DCAF8L2: variants seen among roughly 807,000 people sequenced by gnomAD.
DCAF8L2 encodes the protein DDB1 and CUL4 associated factor 8 like 2.
For synonymous variants in DCAF8L2, 200 were observed against 190.9 expected (o/e 1.05, Z -0.39); for missense variants, 430 against 490.7 (o/e 0.88, Z 1.17).
the DCAF8L2 span, among the ~76,000 whole-genome samples, chrX:27,582,392 T>G: frequency 9.0e-6 from 1 of 111,512 alleles, no homozygotes; most frequent in East Asian, 2.8e-4. Flanking sequence ...CTATCCCATA[T>G]TTTATTTAGT....
At chrX:27,479,084 GTTTCACTCTCTC>G in the DCAF8L2 span, among the ~76,000 whole-genome samples, 1 of 110,869 alleles carries the variant, frequency 9.0e-6, no homozygotes, top group Non-Finnish European at 1.9e-5. Flanking sequence ...ATGTTTCTCT[GTTTCACTCTCTC>G]TTTCTGGCAC....
At chrX:27,658,043 T>A (rs1442189331) in intron 2 of DCAF8L2, among the ~76,000 whole-genome samples, 1 of 112,640 alleles carries the variant, frequency 8.9e-6, no homozygotes, top group African/African-American at 3.2e-5. Context: ...CACAGCAATG[T>A]GGTCTTAGAA....
intron 1 of DCAF8L2, among the ~76,000 whole-genome samples, chrX:27,595,263 TTC>T (rs1307900778): frequency 8.9e-6 from 1 of 111,842 alleles, no homozygotes; most frequent in African/African-American, 3.2e-5. Flanking sequence ...GCTAGATTCT[TTC>T]TGTCTATTTT....
At chrX:27,540,262 C>T in the DCAF8L2 span, among the ~76,000 whole-genome samples, 1 of 111,477 alleles carries the variant, frequency 9.0e-6, no homozygotes, top group Admixed American at 9.6e-5. Flanking sequence ...TCCCTCTAAA[C>T]GGTAAATTTA....
the DCAF8L2 span, among the ~76,000 whole-genome samples, chrX:27,532,377 C>T: frequency 1.8e-5 from 2 of 111,324 alleles, no homozygotes; most frequent in Admixed American, 1.9e-4. Context: ...CTTCCACTAG[C>T]CAAATCTGAG....
At chrX:27,627,808 C>T (rs1602673692) in intron 1 of DCAF8L2, among the ~76,000 whole-genome samples, 1 of 109,062 alleles carries the variant, frequency 9.2e-6, no homozygotes, top group East Asian at 2.9e-4. Flanking sequence ...GCAGGAGAAT[C>T]ACCTGAACCA....
At chrX:27,534,481 A>G in the DCAF8L2 span, among the ~76,000 whole-genome samples, 2 of 112,065 alleles carry the variant, frequency 1.8e-5, no homozygotes, top group African/African-American at 6.5e-5. Flanking sequence ...AATCCAGGTA[A>G]AGGTGGTTTG....
intron 3 of DCAF8L2, among the ~76,000 whole-genome samples, chrX:27,709,788 T>C (rs920868940): frequency 3.0e-4 from 33 of 111,529 alleles, no homozygotes; most frequent in Non-Finnish European, 2.3e-4. Context: ...GTGGCTGGCA[T>C]GTTCATGGAC....
At chrX:27,535,574 C>A in the DCAF8L2 span, among the ~76,000 whole-genome samples, 25 of 111,343 alleles carry the variant, frequency 2.2e-4, no homozygotes, top group Middle Eastern at 0.023. Flanking sequence ...CCTCTGCTTA[C>A]CTAAAGGTAC....
intron 2 of DCAF8L2, among the ~76,000 whole-genome samples, chrX:27,635,977 A>G (rs1194681123): frequency 1.8e-5 from 2 of 109,580 alleles, no homozygotes; most frequent in Non-Finnish European, 1.9e-5. Flanking sequence ...ACGCCCAGCT[A>G]ATTTTTTGTA....
chrX:27,671,068 T>TG (rs1419964075), intron 2 of DCAF8L2, among the ~76,000 whole-genome samples: 1 of 111,625 alleles, frequency 9.0e-6, no homozygotes, highest in Non-Finnish European at 1.9e-5. Flanking sequence ...GGGGGTGGTA[T>TG]GAGGTTCTGA....
At position 27,747,090 on chromosome X, in the gene DCAF8L2, T is replaced by C; in HGVS notation, c.195T>C (p.Asp65=). 5 of 1,167,926 alleles carry C rather than the reference T, an allele frequency of 4.3e-6. No individual in the cohort carries two copies. Among genetic ancestry groups the C allele is most frequent in the Non-Finnish European group, 4.6e-6 (4 of 873,073 alleles). ...GCAGGGATGGTGGATTCCCCAACGA[T>C]GCCAGCACAGAAAATCGAAGCTCAG... ...SDSRDGGFPN[D]ASTENRSSDQ... The change falls in exon 5 of 5, where the codon GAT becomes GAC. Residue 65 remains aspartate (D), a synonymous_variant. Coordinates refer to ENST00000451261, the MANE Select transcript of DCAF8L2 (RefSeq NM_001353450.2).
intron 2 of DCAF8L2, among the ~76,000 whole-genome samples, chrX:27,673,507 C>CAAAAAA (rs57955039): frequency 1.8e-5 from 1 of 54,401 alleles, no homozygotes. Context: ...GATTCCATCT[C>CAAAAAA]AAAAAAAAAA....
chrX:27,484,334 T>C, the DCAF8L2 span, among the ~76,000 whole-genome samples: 1 of 111,832 alleles, frequency 8.9e-6, no homozygotes, highest in East Asian at 2.8e-4. Flanking sequence ...CCTTCTTCAG[T>C]GATTCACAAA....
chrX:27,662,636 A>G (rs1378501257), intron 2 of DCAF8L2, among the ~76,000 whole-genome samples: 1 of 111,766 alleles, frequency 8.9e-6, no homozygotes, highest in Non-Finnish European at 1.9e-5. Flanking sequence ...ATTCTTTTAC[A>G]TATCTCTTCG....
At chrX:27,483,265 A>G in the DCAF8L2 span, among the ~76,000 whole-genome samples, 1 of 111,783 alleles carries the variant, frequency 8.9e-6, no homozygotes, top group Non-Finnish European at 1.9e-5. Flanking sequence ...AGACAAGATA[A>G]TAACGTCCTG....
upstream of DCAF8L2, among the ~76,000 whole-genome samples, chrX:27,587,836 G>A (rs1290620077): frequency 1.8e-5 from 2 of 108,952 alleles, no homozygotes; most frequent in Non-Finnish European, 3.8e-5. Context: ...TGAAAATATG[G>A]GGTCTACCCC....
chrX:27,662,485 TTC>T (rs773179695), intron 2 of DCAF8L2, among the ~76,000 whole-genome samples: 64 of 111,907 alleles, frequency 5.7e-4, no homozygotes, highest in African/African-American at 1.7e-3. Flanking sequence ...ATTATCCACT[TTC>T]TTTTGTAAAT....
intron 2 of DCAF8L2, among the ~76,000 whole-genome samples, chrX:27,640,800 C>CA (rs201572211): frequency 0.2 from 21,376 of 109,199 alleles, 1,823 homozygotes; most frequent in East Asian, 0.43. Context: ...TGGTATTTTA[C>CA]AAGAAAAAAT....
Sources: gnomAD v4.1 joint callset for allele counts (sites outside exome capture counted in the v4.1 genomes callset) on GRCh38, gnomAD v4.1.1 for gene constraint, MANE v1.5 for transcripts, NCBI Gene and HGNC (gene_info 2026-07-23, HGNC 2026-07-21) for gene names.